The following ANK3 variants were observed in gnomAD, a reference collection of about 807,000 sequenced individuals.
ANK3 encodes ankyrin-3.
In ANK3, 57 loss-of-function variants were observed where a neutral mutation model predicts 370.9. The ratio of observed to expected loss-of-function variants is 0.15; its 90% CI spans 0.12 to 0.19. The LOEUF (loss-of-function observed/expected upper bound fraction) is 0.19. Among genes scored for constraint, ANK3 ranks in the 10% least tolerant of loss-of-function variants. The pLI is 1.00. For synonymous variants in ANK3, 1,929 were observed against 1,946.3 expected (o/e 0.99, Z 0.23); for missense variants, 4,439 against 5,302.1 (o/e 0.84, Z 5.06).
rs374885637 is a variant in ANK3 at position 60,420,892 on chromosome 10, ATACT to A, written c.97-141257_97-141254del. On this transcript the variant is annotated intron_variant, in intron 2 of 43. Transcript: ENST00000373827. Reference sequence around the variant, plus strand: ...GAAGTAAAAACAGGGATTCAAACAGATACTTACTTGTGAAATATTCATAGCATTA... The same window carrying A: ...GAAGTAAAAACAGGGATTCAAACAGATACTTGTGAAATATTCATAGCATTA... Among the ~76,000 whole-genome samples, 3 of 152,306 alleles carry A rather than the reference ATACT, an allele frequency of 2.0e-5. No homozygotes were observed. In the East Asian group the frequency reaches 5.8e-4, roughly 29 times the overall value.
chr10:60,430,485 T>TGAG (rs5785443), intron 2 of ANK3, among the ~76,000 whole-genome samples: 115,236 of 151,520 alleles, frequency 0.76, 43,861 homozygotes, highest in South Asian at 0.92. Context: ...TGGTGAAAAA[T>TGAG]GAGGTTAAAT....
At chr10:60,193,592 T>A (rs1451095603) in intron 16 of ANK3, among the ~76,000 whole-genome samples, 2 of 151,420 alleles carry the variant, frequency 1.3e-5, no homozygotes, top group Non-Finnish European at 2.9e-5. Flanking sequence ...GAGGCGGAGG[T>A]TGCAGTGAGC....
chr10:60,575,927 G>C (rs2077676887), intron 2 of ANK3, among the ~76,000 whole-genome samples: 1 of 152,100 alleles, frequency 6.6e-6, no homozygotes, highest in African/African-American at 2.4e-5. Context: ...ATGCCCAAAG[G>C]TGTGCCAGTG....
At chr10:60,565,222 T>C (rs1301118392) in intron 2 of ANK3, among the ~76,000 whole-genome samples, 1 of 152,210 alleles carries the variant, frequency 6.6e-6, no homozygotes, top group Non-Finnish European at 1.5e-5. Context: ...ATGGTGGAGA[T>C]GGTTTCAGGA....
intron 1 of ANK3, among the ~76,000 whole-genome samples, chr10:60,648,158 CTT>C (rs35974681): frequency 9.8e-6 from 1 of 101,574 alleles, no homozygotes; most frequent in Non-Finnish European, 1.9e-5. Context: ...TTTTTTTTTC[CTT>C]TTTTTTTTTT....
chr10:60,515,537 G>A (rs759991140), intron 2 of ANK3, among the ~76,000 whole-genome samples: 1 of 152,108 alleles, frequency 6.6e-6, no homozygotes, highest in Non-Finnish European at 1.5e-5. Flanking sequence ...TTAATAAAGG[G>A]CTTTAATGTA....
At chr10:60,537,547 T>C (rs763878566) in intron 2 of ANK3, among the ~76,000 whole-genome samples, 3 of 151,926 alleles carry the variant, frequency 2.0e-5, no homozygotes, top group Non-Finnish European at 2.9e-5. Flanking sequence ...TCACTCTTAG[T>C]ATATATTGCA....
intron 25 of ANK3, among the ~76,000 whole-genome samples, chr10:60,130,270 G>T (rs1358079788): frequency 2.0e-5 from 3 of 152,184 alleles, no homozygotes; most frequent in Non-Finnish European, 4.4e-5. Context: ...TCCCTAGAGG[G>T]TGAGGTGGCA....
chr10:60,141,144 A>T (rs1021641208), intron 23 of ANK3: 2 of 447,692 alleles, frequency 4.5e-6, no homozygotes, highest in African/African-American at 4.3e-5. Flanking sequence ...AGTGATTCCC[A>T]TAACTCTCCA....
chr10:60,636,078 G>A (rs921294119), intron 1 of ANK3, among the ~76,000 whole-genome samples: 6 of 107,220 alleles, frequency 5.6e-5, no homozygotes, highest in African/African-American at 1.8e-4. Context: ...ATGGTGAGAA[G>A]AGAATTAGTT....
At chr10:60,124,338 A>AT (rs139900877) in intron 25 of ANK3, among the ~76,000 whole-genome samples, 38,688 of 150,082 alleles carry the variant, frequency 0.26, 5,468 homozygotes, top group East Asian at 0.67. Flanking sequence ...ATTTTATTTT[A>AT]TTTTTTTTTG....
At chr10:60,365,237 A>G (rs1217458890) in intron 1 of ANK3, among the ~76,000 whole-genome samples, 5 of 151,914 alleles carry the variant, frequency 3.3e-5, no homozygotes, top group South Asian at 2.1e-4. Context: ...TAAAAGATAC[A>G]TAAGTTGCTA....
intron 1 of ANK3, among the ~76,000 whole-genome samples, chr10:60,389,076 C>T (rs532236661): frequency 1.3e-5 from 2 of 152,246 alleles, no homozygotes; most frequent in African/African-American, 2.4e-5. Flanking sequence ...CTCCCTCTAA[C>T]CCAAGTCACC....
At chr10:60,568,754 T>A (rs533813742) in intron 2 of ANK3, among the ~76,000 whole-genome samples, 1 of 152,176 alleles carries the variant, frequency 6.6e-6, no homozygotes, top group Admixed American at 6.5e-5. Context: ...AATTTATATG[T>A]TAAAATTCTA....
intron 2 of ANK3, among the ~76,000 whole-genome samples, chr10:60,599,467 T>C (rs2078031589): frequency 6.6e-6 from 1 of 152,248 alleles, no homozygotes. Flanking sequence ...GCTATTTCTA[T>C]GTGAGGCAGT....
intron 18 of ANK3, among the ~76,000 whole-genome samples, chr10:60,175,251 A>G (rs1476462405): frequency 6.6e-6 from 1 of 152,120 alleles, no homozygotes; most frequent in African/African-American, 2.4e-5. Flanking sequence ...TGTTTTTTCA[A>G]AAATACATGG....
At chr10:60,429,569 T>C (rs2063968124) in intron 2 of ANK3, among the ~76,000 whole-genome samples, 2 of 152,200 alleles carry the variant, frequency 1.3e-5, no homozygotes, top group South Asian at 4.1e-4. Context: ...GGTGAATGTG[T>C]TGACAGAATA....
intron 2 of ANK3, among the ~76,000 whole-genome samples, chr10:60,491,167 A>G (rs79441809): frequency 6.8e-6 from 1 of 147,622 alleles, no homozygotes; most frequent in South Asian, 2.2e-4. Context: ...ATAGCACACT[A>G]TTCATCTATT....
At chr10:60,707,064 A>C (rs1162462268) in intron 1 of ANK3, among the ~76,000 whole-genome samples, 1 of 152,164 alleles carries the variant, frequency 6.6e-6, no homozygotes. Context: ...AAATTCTAGG[A>C]GTTCATAATC....
Sources: allele counts gnomAD v4.1 joint callset (sites outside exome capture counted in the v4.1 genomes callset), GRCh38; gene constraint gnomAD v4.1.1; transcripts MANE v1.5; gene names NCBI Gene and HGNC (gene_info 2026-07-23, HGNC 2026-07-21).